Variants in PCDH11X observed in about 807,000 individuals in gnomAD.
PCDH11X encodes the protein protocadherin-11 X-linked.
Under a neutral mutation model 53.3 loss-of-function variants are expected in PCDH11X, and 18 were observed. The observed-to-expected ratio is 0.34, with a 90% CI of 0.23 to 0.50. PCDH11X has a LOEUF of 0.50. PCDH11X is among the 20% of genes least tolerant of loss of function. The pLI, the probability that PCDH11X is intolerant of heterozygous loss-of-function variation, is 0.98. For synonymous variants in PCDH11X, 279 were observed against 393.3 expected, an observed-to-expected ratio of 0.71 and a Z score of 3.44; for missense variants, 570 against 1,032.4, an observed-to-expected ratio of 0.55 and a Z score of 6.14.
intron 6 of PCDH11X, among the ~76,000 whole-genome samples, chrX:92,127,792 A>G (rs1158484267): frequency 9.0e-6 from 1 of 111,006 alleles, no homozygotes; most frequent in African/African-American, 3.3e-5. Context: ...AAGTGCTGTG[A>G]TTACAGGCAT....
chrX:92,284,905 T>C (rs2068328875), intron 8 of PCDH11X, among the ~76,000 whole-genome samples: 3 of 111,407 alleles, frequency 2.7e-5, no homozygotes. Context: ...AAGGACTTGA[T>C]AAGATACGCC....
chrX:92,025,100 G>A (rs1465758037), intron 6 of PCDH11X, among the ~76,000 whole-genome samples: 1 of 111,348 alleles, frequency 9.0e-6, no homozygotes, highest in Non-Finnish European at 1.9e-5. Context: ...AAAAGCAATT[G>A]CAACAAAAGC....
chrX:91,788,765 G>A lies in PCDH11X; in HGVS notation c.-379+9081G>A, dbSNP rs1479300289. On this transcript the variant is annotated intron_variant, in intron 1 of 10. Transcript: ENST00000682573. ...GACAGAGGAAGAGGGGAGGAGAAAG[G>A]AAATCAAATAGAGAAGAAAGAGAAC... 1.2e-4 allele frequency among the ~76,000 whole-genome samples: 13 copies of A among 111,679 alleles called. No individual in the cohort carries two copies. The Admixed American group carries it at 1.2e-3, about 11-fold the overall frequency.
intron 6 of PCDH11X, among the ~76,000 whole-genome samples, chrX:92,010,712 A>G (rs1349980735): frequency 9.1e-6 from 1 of 109,920 alleles, no homozygotes; most frequent in East Asian, 2.8e-4. Flanking sequence ...CTAGTGAAAA[A>G]GCCACAATCA....
chrX:91,828,481 T>G (rs894948596), intron 4 of PCDH11X, among the ~76,000 whole-genome samples: 2 of 111,584 alleles, frequency 1.8e-5, no homozygotes, highest in African/African-American at 6.5e-5. Context: ...GTTTTTCTAT[T>G]CATTTATTAA....
At chrX:91,799,559 G>A (rs893004450) in intron 1 of PCDH11X, among the ~76,000 whole-genome samples, 1 of 111,814 alleles carries the variant, frequency 8.9e-6, no homozygotes, top group African/African-American at 3.2e-5. Flanking sequence ...GAGTTTCCTG[G>A]TTGTGAAATA....
intron 8 of PCDH11X, among the ~76,000 whole-genome samples, chrX:92,309,311 A>T (rs2068896812): frequency 8.9e-6 from 1 of 112,174 alleles, no homozygotes; most frequent in African/African-American, 3.2e-5. Context: ...AGTCAGCTTT[A>T]AAAAATGAGG....
chrX:92,030,340 G>GT (rs961926611), intron 6 of PCDH11X, among the ~76,000 whole-genome samples: 7 of 108,444 alleles, frequency 6.5e-5, no homozygotes, highest in South Asian at 7.7e-4. Context: ...TTTTATTTTA[G>GT]TTTTTTTTTA....
chrX:91,985,668 G>C (rs1258090824), intron 6 of PCDH11X, among the ~76,000 whole-genome samples: 2 of 111,913 alleles, frequency 1.8e-5, no homozygotes, highest in Non-Finnish European at 3.8e-5. Context: ...ATTTTTGTTT[G>C]TTTTTGCTTA....
rs4521932 is a variant in PCDH11X at position 92,414,774 on chromosome X, A to G, written c.3343+26841A>G. Among the ~76,000 whole-genome samples the G allele has an allele frequency of 2.1e-4, 24 of 111,897 alleles. No homozygotes were observed. In the East Asian group the frequency reaches 5.6e-3, roughly 26 times the overall value. On this transcript the variant is annotated intron_variant, in intron 9 of 10. Transcript: ENST00000682573. ...TTACAGCTTTCCAAGACCATCAGTC[A>G]TTCTTAACCAAGAGTCACATGGCTG...
chrX:91,819,544 T>A (rs1012403314), intron 4 of PCDH11X, among the ~76,000 whole-genome samples: 1 of 110,166 alleles, frequency 9.1e-6, no homozygotes, highest in Admixed American at 9.7e-5. Flanking sequence ...TTTCTTGAAG[T>A]CTTTGCTGGT....
intron 4 of PCDH11X, among the ~76,000 whole-genome samples, chrX:91,815,532 G>T (rs1453736035): frequency 1.8e-5 from 2 of 110,683 alleles, no homozygotes; most frequent in East Asian, 5.7e-4. Context: ...TTTAAATAAT[G>T]TCTCTATGAA....
At chrX:92,106,638 T>A (rs1415462060) in intron 6 of PCDH11X, among the ~76,000 whole-genome samples, 1 of 111,938 alleles carries the variant, frequency 8.9e-6, no homozygotes, top group Non-Finnish European at 1.9e-5. Flanking sequence ...CTGGGAAAAA[T>A]TTTTAAAAGC....
chrX:92,241,967 G>T, intron 7 of PCDH11X, among the ~76,000 whole-genome samples: 1 of 110,066 alleles, frequency 9.1e-6, no homozygotes. Flanking sequence ...TCCACCACCA[G>T]AGTCAAGATA....
At position 92,449,393 on chromosome X, in the gene PCDH11X, T is replaced by G. The variant is rs1054448359; in HGVS notation, c.3344-18906T>G. Among the ~76,000 whole-genome samples the G allele has an allele frequency of 2.7e-5, 3 of 111,903 alleles. 1 individual carries two copies. Among genetic ancestry groups the G allele is most frequent in the African/African-American group, 9.7e-5 (3 of 30,812 alleles). The stretch of plus-strand genomic sequence containing the variant: ...ATTCCCAGATGGTTGATCATTCTCA[T>G]GAACAGTGGAAGACCAAGAAACATC... On this transcript the variant is annotated intron_variant, in intron 9 of 10. Transcript: ENST00000682573.
At chrX:92,116,138 G>T (rs1376478716) in intron 6 of PCDH11X, among the ~76,000 whole-genome samples, 4 of 112,108 alleles carry the variant, frequency 3.6e-5, no homozygotes, top group Non-Finnish European at 7.5e-5. Context: ...TCAACACTTA[G>T]CTTTTAATGC....
intron 6 of PCDH11X, among the ~76,000 whole-genome samples, chrX:92,049,414 A>T (rs902289180): frequency 9.2e-6 from 1 of 108,684 alleles, no homozygotes; most frequent in African/African-American, 3.4e-5. Flanking sequence ...GTAGGGCATG[A>T]CTCCCCTGAC....
At chrX:92,475,651 G>A (rs947396106) in intron 10 of PCDH11X, among the ~76,000 whole-genome samples, 7 of 111,359 alleles carry the variant, frequency 6.3e-5, no homozygotes, top group African/African-American at 2.0e-4. Context: ...TAAATGCTTC[G>A]AGATAGTCTC....
At position 92,260,419 on chromosome X, in the gene PCDH11X, C is replaced by G. The variant is rs146787004; in HGVS notation, c.3115-2695C>G. ...CTCACAATTGCTGTGTTCTCCCTCC[C>G]CCAGCACCCGGAGATGCTCTCTGCA... On this transcript the variant is annotated intron_variant, in intron 7 of 10. Transcript: ENST00000682573. Among the ~76,000 whole-genome samples the G allele has an allele frequency of 7.4e-3, 818 of 110,948 alleles. 8 individuals are homozygous for G. The highest frequency in any genetic ancestry group is 0.026 in the African/African-American group (779 of 30,424).
Sources: allele counts gnomAD v4.1 joint callset (sites outside exome capture counted in the v4.1 genomes callset), GRCh38; gene constraint gnomAD v4.1.1; transcripts MANE v1.5; gene names NCBI Gene and HGNC (gene_info 2026-07-23, HGNC 2026-07-21).